The following OR9Q1 variants were observed in gnomAD, a reference collection of about 807,000 sequenced individuals.
The protein encoded by OR9Q1 is olfactory receptor 9Q1.
For missense variants in OR9Q1, 374 were observed against 378.8 expected, an observed-to-expected ratio of 0.99 and a Z score of 0.11; for synonymous variants, 153 against 148.6, an observed-to-expected ratio of 1.03 and a Z score of -0.22.
intron 2 of OR9Q1, among the ~76,000 whole-genome samples, chr11:58,110,284 T>C (rs1242042260): frequency 6.6e-6 from 1 of 152,172 alleles, no homozygotes; most frequent in Non-Finnish European, 1.5e-5. Context: ...CAGATAGTGG[T>C]AATGCCCACT....
At chr11:58,040,899 A>G (rs977399127) in intron 1 of OR9Q1, 2 of 152,284 alleles carry the variant, frequency 1.3e-5, no homozygotes, top group Non-Finnish European at 2.9e-5. Context: ...GCTGATGCCA[A>G]GATGACAAAG....
At chr11:58,054,572 A>T (rs1853308969) in intron 1 of OR9Q1, among the ~76,000 whole-genome samples, 1 of 152,208 alleles carries the variant, frequency 6.6e-6, no homozygotes, top group Non-Finnish European at 1.5e-5. Context: ...AGTGCATGAA[A>T]ATACTTGTGC....
intron 2 of OR9Q1, among the ~76,000 whole-genome samples, chr11:58,104,922 T>G (rs1372763520): frequency 6.6e-6 from 1 of 152,192 alleles, no homozygotes; most frequent in Non-Finnish European, 1.5e-5. Context: ...AATAACATAT[T>G]TTTTTGGAGT....
At position 58,179,791 on chromosome 11, in the gene OR9Q1, C is replaced by T. The variant is rs1854643499; in HGVS notation, c.347C>T (p.Ala116Val). 1 of 1,614,188 alleles carries T rather than the reference C, an allele frequency of 6.2e-7. No homozygotes were observed. Among genetic ancestry groups the T allele is most frequent in the East Asian group, 2.2e-5 (1 of 44,866 alleles). Reference protein sequence around the residue: ...FFGSIDCYLLALMAYDRYLAV... With the variant: ...FFGSIDCYLLVLMAYDRYLAV... ...GGTTCCATCGACTGCTACCTCTTGG[C>T]CCTCATGGCCTATGACCGCTACTTG... The change falls in exon 3 of 3, where the codon GCC (alanine) becomes GTC (valine). Residue 116 changes from alanine (A) to valine (V), a missense_variant. Coordinates refer to ENST00000335397, the MANE Select transcript of OR9Q1 (RefSeq NM_001005212.4).
chr11:58,039,210 A>G (rs910833953), intron 1 of OR9Q1, among the ~76,000 whole-genome samples: 22 of 152,168 alleles, frequency 1.4e-4, no homozygotes, highest in African/African-American at 5.1e-4. Flanking sequence ...GCTGCTCTCA[A>G]ACTTGTGACC....
chr11:58,055,050 G>A (rs1853314141), intron 1 of OR9Q1, among the ~76,000 whole-genome samples: 1 of 152,166 alleles, frequency 6.6e-6, no homozygotes, highest in African/African-American at 2.4e-5. Flanking sequence ...ACTTGGTTGG[G>A]AGGAACTGGT....
rs541542841 is a variant in OR9Q1, at chr11:58,079,796, T to G, written c.-15+23849T>G. On this transcript the variant is annotated intron_variant, in intron 2 of 2. Transcript: ENST00000335397. ...CATTCAGGCTCATACATATTGACAA[T>G]TCAGGCTCATACCTGGCAGAGAACT... Among the ~76,000 whole-genome samples the G allele has an allele frequency of 2.4e-4, 37 of 152,270 alleles. 1 individual carries two copies. In the South Asian group the frequency reaches 7.5e-3, roughly 31 times the overall value.
intron 2 of OR9Q1, among the ~76,000 whole-genome samples, chr11:58,097,775 A>T (rs913619681): frequency 6.6e-6 from 1 of 152,252 alleles, no homozygotes; most frequent in African/African-American, 2.4e-5. Flanking sequence ...TCCATTCAGC[A>T]ATCAAAAAGA....
intron 2 of OR9Q1, among the ~76,000 whole-genome samples, chr11:58,120,187 A>G (rs948610402): frequency 1.3e-5 from 2 of 152,184 alleles, no homozygotes; most frequent in African/African-American, 4.8e-5. Context: ...AGTTACTTAT[A>G]CATCATGATT....
intron 2 of OR9Q1, among the ~76,000 whole-genome samples, chr11:58,076,189 T>G (rs1255924910): frequency 6.6e-6 from 1 of 152,228 alleles, no homozygotes; most frequent in African/African-American, 2.4e-5. Flanking sequence ...AATTTTTTGT[T>G]GCTGAATAAC....
chr11:58,082,822 T>G (rs561146145), intron 2 of OR9Q1, among the ~76,000 whole-genome samples: 1 of 149,646 alleles, frequency 6.7e-6, no homozygotes, highest in Non-Finnish European at 1.5e-5. Context: ...TACTTTAAGT[T>G]TTAGGGTATA....
intron 1 of OR9Q1, among the ~76,000 whole-genome samples, chr11:58,034,331 C>T (rs1364010844): frequency 3.3e-5 from 5 of 151,918 alleles, no homozygotes; most frequent in Non-Finnish European, 7.4e-5. Context: ...TCGTGATCTG[C>T]CCACCTCGGC....
chr11:58,083,975 G>A (rs892158549), intron 2 of OR9Q1, among the ~76,000 whole-genome samples: 3 of 151,754 alleles, frequency 2.0e-5, no homozygotes, highest in Admixed American at 1.3e-4. Flanking sequence ...TTTAGAATAG[G>A]TTTTTCTAAT....
chr11:58,040,507 A>G (rs1383420331), intron 1 of OR9Q1, among the ~76,000 whole-genome samples: 2 of 152,194 alleles, frequency 1.3e-5, no homozygotes. Flanking sequence ...TCATTTACCA[A>G]TCACGTATTC....
intron 1 of OR9Q1, among the ~76,000 whole-genome samples, chr11:58,027,630 C>T (rs936965023): frequency 1.1e-4 from 17 of 152,122 alleles, no homozygotes; most frequent in African/African-American, 4.1e-4. Flanking sequence ...ATCTAGGATC[C>T]TGCCAGCTGT....
In OR9Q1 at chr11:58,109,502, G is replaced by T. The variant is rs1346352702; in HGVS notation, c.-15+53555G>T. 6.7e-5 allele frequency: 31 copies of T among 461,612 alleles called. No individual in the cohort carries two copies. The Admixed American group carries it at 7.2e-4, about 11-fold the overall frequency. The allele number at this position is 461,612 out of a possible 1,614,324, so 28.6% of individuals were successfully genotyped here. A position where few individuals can be genotyped will look rare whatever the true frequency, so the allele number is the denominator to read the frequency against. On this transcript the variant is annotated intron_variant, in intron 2 of 2. Transcript: ENST00000335397. ...AAGAAGTACACGGGGGTGTGGAGTT[G>T]GGCATCCACTTGGATTAGAATGATC... is the stretch of plus-strand genomic sequence containing the variant.
At chr11:58,024,419 A>G (rs1852950578) in intron 1 of OR9Q1, among the ~76,000 whole-genome samples, 1 of 151,552 alleles carries the variant, frequency 6.6e-6, no homozygotes, top group African/African-American at 2.4e-5. Flanking sequence ...ACTTTTTGGG[A>G]CTAGGCCCCC....
chr11:58,101,059 A>G (rs1853778958), intron 2 of OR9Q1, among the ~76,000 whole-genome samples: 1 of 152,166 alleles, frequency 6.6e-6, no homozygotes, highest in Admixed American at 6.5e-5. Flanking sequence ...GTTAATGGGT[A>G]CAAAAATACA....
chr11:58,059,613 G>C (rs771897641), intron 2 of OR9Q1, among the ~76,000 whole-genome samples: 1 of 145,312 alleles, frequency 6.9e-6, no homozygotes. Context: ...GCTTGAACCC[G>C]GGAGACAGAG....
Sources: allele counts gnomAD v4.1 joint callset (sites outside exome capture counted in the v4.1 genomes callset), GRCh38; gene constraint gnomAD v4.1.1; transcripts MANE v1.5; gene names NCBI Gene and HGNC (gene_info 2026-07-23, HGNC 2026-07-21).